The following HSP90AA1 variants were observed in gnomAD, a reference collection of about 807,000 sequenced individuals.
HSP90AA1 encodes the protein heat shock protein 90 alpha family class A member 1.
A neutral mutation model predicts 73.3 loss-of-function variants in HSP90AA1; 18 were observed. That is an observed-to-expected ratio of 0.25 (90% confidence interval 0.17 to 0.36). The LOEUF is 0.36. HSP90AA1 is among the 10% of genes least tolerant of loss of function. The probability of loss-of-function intolerance (pLI) is 1.00; values close to 1 mark genes in which losing one functional copy is unlikely to be tolerated. For missense variants in HSP90AA1, 704 were observed against 874.2 expected, an observed-to-expected ratio of 0.81 and a Z score of 2.45; for synonymous variants, 477 against 296.9, an observed-to-expected ratio of 1.61 and a Z score of -6.24.
At position 102,084,935 on chromosome 14, in the gene HSP90AA1, CTTCTTT is replaced by C. The variant is rs752469851; in HGVS notation, c.721_726del (p.Lys241_Glu242del). Reference sequence around the variant, plus strand: ...TCTTTCTCTTCTTTTTCTTTTTCTTCTTCTTTGTCTTCCTTTTCTTCAGCCTCATCA... The same window carrying C: ...TCTTTCTCTTCTTTTTCTTTTTCTTCGTCTTCCTTTTCTTCAGCCTCATCA... On this transcript the variant is annotated inframe_deletion, in exon 5 of 11. Coordinates refer to ENST00000216281, the MANE Select transcript of HSP90AA1 (RefSeq NM_005348.4). 2.0e-5 allele frequency: 32 copies of C among 1,590,942 alleles called. No individual in the cohort carries two copies. The highest frequency in any genetic ancestry group is 3.3e-5 in the South Asian group (3 of 90,626).
At chr14:102,135,417 G>T (rs968886793) in intron 1 of HSP90AA1, among the ~76,000 whole-genome samples, 21 of 152,294 alleles carry the variant, frequency 1.4e-4, no homozygotes, top group Admixed American at 1.2e-3. Context: ...CTAAACACAG[G>T]GTGCTGATTG....
At chr14:102,124,648 C>A (rs1292108909) in intron 1 of HSP90AA1, among the ~76,000 whole-genome samples, 1 of 152,152 alleles carries the variant, frequency 6.6e-6, no homozygotes, top group African/African-American at 2.4e-5. Flanking sequence ...AAGCAATCCT[C>A]CTGCCTCAGC....
intron 1 of HSP90AA1, among the ~76,000 whole-genome samples, chr14:102,103,445 T>C (rs1441706866): frequency 6.6e-6 from 1 of 152,020 alleles, no homozygotes; most frequent in Admixed American, 6.6e-5. Flanking sequence ...CCCAGCATTT[T>C]GGAAGGCTGA....
intron 1 of HSP90AA1, among the ~76,000 whole-genome samples, chr14:102,117,635 T>C (rs1476745828): frequency 6.6e-6 from 1 of 152,162 alleles, no homozygotes; most frequent in East Asian, 1.9e-4. Context: ...AAGCTCCTCT[T>C]CATCTTGCTC....
intron 6 of HSP90AA1, 179 bp from the exon 7 acceptor site, chr14:102,084,162 C>G (rs888578731): frequency 1.4e-6 from 1 of 695,064 alleles, no homozygotes; most frequent in Non-Finnish European, 2.5e-6. Flanking sequence ...CTCTGCCTCC[C>G]GGGGGGGTTC....
At position 102,107,318 on chromosome 14, in the gene HSP90AA1, G is replaced by GT. The variant is rs201899239; in HGVS notation, c.156-5234dup. Among the ~76,000 whole-genome samples the GT allele has an allele frequency of 4.3e-3, 652 of 151,360 alleles. 12 individuals carry two copies. The highest frequency in any genetic ancestry group is 0.014 in the African/African-American group (585 of 41,128). On this transcript the variant is annotated intron_variant, in intron 1 of 11. Transcript: ENST00000334701. ...GCTTGCTTCTTTCTTGGTTTAGCCC[G>GT]TTTTTTTTGGTTTGTTTGTTTTTTT...
intron 2 of HSP90AA1, among the ~76,000 whole-genome samples, chr14:102,096,991 ATTT>A (rs370833486): frequency 1.3e-5 from 2 of 148,850 alleles, no homozygotes; most frequent in East Asian, 2.0e-4. Context: ...GAAGAAAGCA[ATTT>A]TTTTTTTTCT....
intron 2 of HSP90AA1, chr14:102,101,801 C>T (rs1176806702): frequency 4.1e-6 from 5 of 1,225,348 alleles, no homozygotes; most frequent in African/African-American, 2.9e-5. Context: ...ACTCCAACCA[C>T]CGGTTGGTTG....
At chr14:102,082,696 C>T in intron 9 of HSP90AA1, 1 of 529,446 alleles carries the variant, frequency 1.9e-6, no homozygotes, top group South Asian at 2.1e-5. Flanking sequence ...TCTTGGCTCA[C>T]TGCAACCTCC....
At chr14:102,130,297 T>A (rs1366465349) in intron 1 of HSP90AA1, among the ~76,000 whole-genome samples, 1 of 152,144 alleles carries the variant, frequency 6.6e-6, no homozygotes, top group Non-Finnish European at 1.5e-5. Context: ...TTCTCTTGGG[T>A]ATATACATAC....
chr14:102,136,567 CAAAAAAAA>C (rs1165638280), intron 1 of HSP90AA1, among the ~76,000 whole-genome samples: 3 of 53,238 alleles, frequency 5.6e-5, no homozygotes, highest in Non-Finnish European at 9.2e-5. Flanking sequence ...AGACTCGTCT[CAAAAAAAA>C]AAAAAAAAAA....
At chr14:102,136,909 A>T (rs1308753568) in intron 1 of HSP90AA1, among the ~76,000 whole-genome samples, 1 of 146,876 alleles carries the variant, frequency 6.8e-6, no homozygotes, top group African/African-American at 2.5e-5. Flanking sequence ...AGGAAACAAA[A>T]AAAAAAGAAA....
intron 2 of HSP90AA1, among the ~76,000 whole-genome samples, chr14:102,100,097 A>C (rs2049474136): frequency 6.6e-6 from 1 of 152,038 alleles, no homozygotes; most frequent in Admixed American, 6.6e-5. Context: ...CTGAGCAGGG[A>C]GGATAGCTTG....
rs1003920169 is a variant in HSP90AA1, at chr14:102,086,472, A to T, written c.1-94T>A. ...GTTCTCCAAATATTTTTAAAGCCGA[A>T]TTGGAGATTTGCGAAGTTTAAGTAA... On this transcript the variant is annotated intron_variant, in intron 1 of 10. Coordinates refer to ENST00000216281, the MANE Select transcript of HSP90AA1 (RefSeq NM_005348.4). 3.9e-5 allele frequency: 55 copies of T among 1,416,690 alleles called. 1 individual carries two copies. In the East Asian group the frequency reaches 1.2e-3, roughly 32 times the overall value. The allele number at this position is 1,416,690 out of a possible 1,614,324, so 87.8% of individuals were successfully genotyped here.
In HSP90AA1 at chr14:102,081,162, G is replaced by A. The variant is rs927225724; in HGVS notation, c.*550C>T. 67 of 234,616 alleles carry A rather than the reference G, an allele frequency of 2.9e-4. No individual in the cohort carries two copies. The highest frequency in any genetic ancestry group is 2.6e-3 in the Middle Eastern group (2 of 762). The allele number at this position is 234,616 out of a possible 1,614,324, so 14.5% of individuals were successfully genotyped here. ...TTTGAACAGCTTTACGATATGCTTA[G>A]GTAGGCTTTTAACTTTGCTCCTCCA... On this transcript the variant is annotated 3_prime_UTR_variant, in exon 11 of 11. Coordinates refer to ENST00000216281, the MANE Select transcript of HSP90AA1 (RefSeq NM_005348.4).
intron 2 of HSP90AA1, among the ~76,000 whole-genome samples, chr14:102,096,055 G>A (rs939063652): frequency 1.3e-5 from 2 of 152,132 alleles, no homozygotes; most frequent in African/African-American, 2.4e-5. Context: ...TGATCTTGGT[G>A]CTCTCAGACC....
In HSP90AA1 at chr14:102,117,560, AC is replaced by A. The variant is rs142861099; in HGVS notation, c.156-15476del. On this transcript the variant is annotated intron_variant, in intron 1 of 11. Coordinates refer to the HSP90AA1 transcript ENST00000334701. Reference sequence around the variant, plus strand: ...CTACCCTCTTTGCTAGGAGCTGAACACCCCCCAGCTGCAGAAAGGAGCTACC... The same window carrying A: ...CTACCCTCTTTGCTAGGAGCTGAACACCCCCAGCTGCAGAAAGGAGCTACC... Among the ~76,000 whole-genome samples the A allele has an allele frequency of 7.4e-4, 112 of 151,150 alleles. 4 individuals are homozygous for A. In the East Asian group the frequency reaches 0.016, roughly 22 times the overall value.
rs546818049 is a variant in HSP90AA1 at position 102,086,206 on chromosome 14, A to G, written c.162+11T>C. On this transcript the variant is annotated intron_variant, in intron 2 of 10. Transcript: ENST00000216281. Reference sequence around the variant, plus strand: ...AACCAAAATCCGATTCTGGGTTAATAAGTGACTTACATCTGATGAATTTGA... The same window carrying G: ...AACCAAAATCCGATTCTGGGTTAATGAGTGACTTACATCTGATGAATTTGA... The G allele has an allele frequency of 1.2e-6, 2 of 1,614,184 alleles. No homozygotes were observed. The highest frequency in any genetic ancestry group is 1.1e-5 in the South Asian group (1 of 91,074).
intron 1 of HSP90AA1, among the ~76,000 whole-genome samples, chr14:102,107,093 A>G (rs1296855435): frequency 2.0e-5 from 3 of 152,044 alleles, no homozygotes; most frequent in African/African-American, 4.8e-5. Flanking sequence ...CAAATACTCA[A>G]ACTTTATAGA....
Sources: allele counts gnomAD v4.1 joint callset (sites outside exome capture counted in the v4.1 genomes callset), GRCh38; gene constraint gnomAD v4.1.1; transcripts MANE v1.5; gene names NCBI Gene and HGNC (gene_info 2026-07-23, HGNC 2026-07-21).